ADK: variants seen among roughly 807,000 people sequenced by gnomAD.
ADK encodes N6,N6-dimethyladenosine kinase.
A neutral mutation model predicts 44.7 loss-of-function variants in ADK; 24 were observed. The ratio of observed to expected loss-of-function variants is 0.54; its 90% CI spans 0.39 to 0.76. The LOEUF is 0.76. Among genes scored for constraint, ADK ranks in the 30% least tolerant of loss-of-function variants. The pLI is 0.00. For missense variants in ADK, 321 were observed against 425.1 expected (o/e 0.76, Z 2.15); for synonymous variants, 128 against 142.6 (o/e 0.90, Z 0.73).
intron 7 of ADK, among the ~76,000 whole-genome samples, chr10:74,553,201 T>TG (rs1850101204): frequency 8.2e-6 from 1 of 122,058 alleles, no homozygotes; most frequent in Admixed American, 8.1e-5. Flanking sequence ...TTTTTTTTTT[T>TG]TTTTTTTTTT....
chr10:74,444,862 A>G (rs1397513909), intron 6 of ADK, among the ~76,000 whole-genome samples: 1 of 139,252 alleles, frequency 7.2e-6, no homozygotes, highest in Non-Finnish European at 1.5e-5. Flanking sequence ...CCCACCAGAA[A>G]TCACAAAATC....
intron 9 of ADK, among the ~76,000 whole-genome samples, chr10:74,602,863 A>T (rs1284975545): frequency 6.6e-6 from 1 of 152,210 alleles, no homozygotes; most frequent in African/African-American, 2.4e-5. Context: ...AGCCAAATAA[A>T]TGTCAATAAT....
chr10:74,539,434 CA>C (rs1026738201), intron 7 of ADK, among the ~76,000 whole-genome samples: 1 of 152,178 alleles, frequency 6.6e-6, no homozygotes. Flanking sequence ...TTCTTCATAT[CA>C]GAATATTTCC....
rs190786938 is a variant in ADK, at chr10:74,581,545, C to T, written c.727-7737C>T. 2.4e-3 allele frequency among the ~76,000 whole-genome samples: 367 copies of T among 152,122 alleles called. 1 individual carries two copies. The highest frequency in any genetic ancestry group is 4.1e-3 in the Non-Finnish European group (282 of 67,978). On this transcript the variant is annotated intron_variant, in intron 7 of 10. Transcript: ENST00000539909. ...GAAATTTTTCCAAATTTGATAATAACTGTAAACCCACAAATCCAAAAAGCT... is the reference window on the plus strand; with the variant it reads ...GAAATTTTTCCAAATTTGATAATAATTGTAAACCCACAAATCCAAAAAGCT...
Position 74,655,084 on chromosome 10 carries a change from G to A in ADK, c.878-15099G>A, listed in dbSNP as rs113156468. On this transcript the variant is annotated intron_variant, in intron 9 of 10. Transcript: ENST00000539909. ...ACCCCGGGCCGCCTTCCCTTCATCCGCTCTGGGAACCTTACCCTGGGGGTT... is the reference window on the plus strand; with the variant it reads ...ACCCCGGGCCGCCTTCCCTTCATCCACTCTGGGAACCTTACCCTGGGGGTT... 172 of 246,738 alleles carry A rather than the reference G, an allele frequency of 7.0e-4. 1 individual carries two copies. Among genetic ancestry groups the A allele is most frequent in the Middle Eastern group, 5.5e-3 (4 of 728 alleles). The allele number at this position is 246,738 out of a possible 1,614,324, so 15.3% of individuals were successfully genotyped here.
intron 3 of ADK, among the ~76,000 whole-genome samples, chr10:74,303,016 A>C (rs1460205641): frequency 2.0e-5 from 3 of 152,338 alleles, no homozygotes; most frequent in Admixed American, 2.0e-4. Flanking sequence ...GTTATGAAAC[A>C]TACTTTTGCA....
chr10:74,592,919 T>C (rs991641875), intron 8 of ADK, among the ~76,000 whole-genome samples: 3 of 152,224 alleles, frequency 2.0e-5, no homozygotes, highest in African/African-American at 7.2e-5. Flanking sequence ...ACTAGGCACA[T>C]ATTGAGTACT....
intron 6 of ADK, among the ~76,000 whole-genome samples, chr10:74,514,983 C>G (rs1050473453): frequency 6.6e-6 from 1 of 152,070 alleles, no homozygotes; most frequent in East Asian, 1.9e-4. Flanking sequence ...CACCAATATG[C>G]CCTGCTAATT....
chr10:74,176,774 G>C, intron 1 of ADK: 2 of 1,578,560 alleles, frequency 1.3e-6, no homozygotes, highest in African/African-American at 1.3e-5. Context: ...GTCGCTGAGT[G>C]CCTGAGCCGG....
chr10:74,167,719 A>G (rs1231905781), intron 1 of ADK, among the ~76,000 whole-genome samples: 1 of 152,216 alleles, frequency 6.6e-6, no homozygotes, highest in African/African-American at 2.4e-5. Context: ...TATTGGTCAG[A>G]GGAGTTCCAG....
intron 6 of ADK, among the ~76,000 whole-genome samples, chr10:74,435,111 G>A (rs1298422062): frequency 1.3e-5 from 2 of 152,090 alleles, no homozygotes; most frequent in Non-Finnish European, 2.9e-5. Flanking sequence ...TGAGAGGGAA[G>A]GTTTGCTTAA....
At chr10:74,484,787 A>T (rs909742210) in intron 6 of ADK, among the ~76,000 whole-genome samples, 1 of 152,216 alleles carries the variant, frequency 6.6e-6, no homozygotes, top group Non-Finnish European at 1.5e-5. Context: ...CTTCATTTCC[A>T]TAAGGAAATG....
chr10:74,190,256 A>T (rs1357165523), intron 1 of ADK, among the ~76,000 whole-genome samples: 1 of 152,198 alleles, frequency 6.6e-6, no homozygotes, highest in African/African-American at 2.4e-5. Context: ...TTACTGTTCT[A>T]GTCTTCGCTG....
At chr10:74,329,603 G>A (rs1841148012) in intron 4 of ADK, among the ~76,000 whole-genome samples, 1 of 152,172 alleles carries the variant, frequency 6.6e-6, no homozygotes. Context: ...TTGGTTGGAT[G>A]GATGGATGTT....
chr10:74,270,357 A>G (rs1160360228), intron 3 of ADK, among the ~76,000 whole-genome samples: 1 of 152,228 alleles, frequency 6.6e-6, no homozygotes, highest in African/African-American at 2.4e-5. Flanking sequence ...TTTCTAAACC[A>G]GAAAAAAATA....
intron 6 of ADK, among the ~76,000 whole-genome samples, chr10:74,440,263 G>T (rs1162480907): frequency 6.6e-6 from 1 of 152,066 alleles, no homozygotes; most frequent in Non-Finnish European, 1.5e-5. Flanking sequence ...GTAGCCTTCT[G>T]AGTTAAATTC....
intron 3 of ADK, among the ~76,000 whole-genome samples, chr10:74,277,827 A>G (rs557739575): frequency 1.3e-5 from 2 of 151,704 alleles, no homozygotes; most frequent in Admixed American, 6.6e-5. Context: ...TGTGATATCT[A>G]TGCTTAGAAA....
chr10:74,475,147 C>CAA (rs111879675), intron 6 of ADK, among the ~76,000 whole-genome samples: 18 of 149,566 alleles, frequency 1.2e-4, no homozygotes, highest in African/African-American at 3.9e-4. Context: ...ACAAAGCAAA[C>CAA]AAAAAAAAAC....
At chr10:74,409,017 A>G (rs943916366) in intron 6 of ADK, among the ~76,000 whole-genome samples, 3 of 152,210 alleles carry the variant, frequency 2.0e-5, no homozygotes, top group Non-Finnish European at 4.4e-5. Flanking sequence ...ATATTATTCT[A>G]GATTCTATAA....
Sources: gnomAD v4.1 joint callset for allele counts (sites outside exome capture counted in the v4.1 genomes callset) on GRCh38, gnomAD v4.1.1 for gene constraint, MANE v1.5 for transcripts, NCBI Gene and HGNC (gene_info 2026-07-23, HGNC 2026-07-21) for gene names.